Variants in CNTNAP2 observed in about 807,000 individuals in gnomAD.
CNTNAP2 encodes the protein contactin associated protein 2, also known as contactin-associated protein-like 2.
A neutral mutation model predicts 155.2 loss-of-function variants in CNTNAP2; 98 were observed. The ratio of observed to expected loss-of-function variants is 0.63; its 90% CI spans 0.54 to 0.75. The LOEUF (loss-of-function observed/expected upper bound fraction) is 0.75. Among genes scored for constraint, CNTNAP2 ranks in the 30% least tolerant of loss-of-function variants. The pLI is 0.00. For synonymous variants in CNTNAP2, 651 were observed against 631.2 expected, an observed-to-expected ratio of 1.03 and a Z score of -0.47; for missense variants, 1,727 against 1,688.1, an observed-to-expected ratio of 1.02 and a Z score of -0.40.
intron 16 of CNTNAP2, among the ~76,000 whole-genome samples, chr7:148,144,188 G>A (rs907982320): frequency 6.6e-6 from 1 of 152,168 alleles, no homozygotes; most frequent in Admixed American, 6.5e-5. Context: ...AAGGATGTGT[G>A]TATAGCTAAC....
At chr7:146,264,113 C>T (rs1799959493) in intron 1 of CNTNAP2, among the ~76,000 whole-genome samples, 1 of 152,002 alleles carries the variant, frequency 6.6e-6, no homozygotes, top group South Asian at 2.1e-4. Flanking sequence ...TGCTGTCAGT[C>T]AACAAGAGAA....
chr7:148,144,552 C>A (rs1407234880), intron 16 of CNTNAP2, among the ~76,000 whole-genome samples: 1 of 152,162 alleles, frequency 6.6e-6, no homozygotes, highest in African/African-American at 2.4e-5. Context: ...AACTATGGTT[C>A]TGCCAGCATC....
chr7:146,757,409 A>G (rs1274453499), intron 1 of CNTNAP2, among the ~76,000 whole-genome samples: 1 of 152,170 alleles, frequency 6.6e-6, no homozygotes, highest in Non-Finnish European at 1.5e-5. Flanking sequence ...TTCCTTAAAT[A>G]AGTTTAATTT....
At chr7:146,423,495 G>A (rs560426539) in intron 1 of CNTNAP2, among the ~76,000 whole-genome samples, 5 of 152,260 alleles carry the variant, frequency 3.3e-5, no homozygotes, top group Admixed American at 6.6e-5. Context: ...TTAGAGAGAT[G>A]AATGATTGAT....
At chr7:148,001,406 A>T (rs1426711512) in intron 15 of CNTNAP2, among the ~76,000 whole-genome samples, 2 of 152,184 alleles carry the variant, frequency 1.3e-5, no homozygotes, top group African/African-American at 4.8e-5. Flanking sequence ...TCAGCAGCCC[A>T]CCTGGAAGGT....
chr7:146,670,596 T>A (rs1017943081), intron 1 of CNTNAP2, among the ~76,000 whole-genome samples: 2 of 152,194 alleles, frequency 1.3e-5, no homozygotes, highest in East Asian at 3.8e-4. Context: ...GGGAAGTGAA[T>A]AGAAGCAATC....
intron 1 of CNTNAP2, among the ~76,000 whole-genome samples, chr7:146,707,892 T>A (rs6945658): frequency 0.088 from 13,328 of 152,106 alleles, 1,876 homozygotes; most frequent in African/African-American, 0.3. Flanking sequence ...GAGAAGTATG[T>A]AGGGTAGGCA....
At chr7:146,892,687 A>G (rs1795805031) in intron 3 of CNTNAP2, among the ~76,000 whole-genome samples, 1 of 152,178 alleles carries the variant, frequency 6.6e-6, no homozygotes, top group African/African-American at 2.4e-5. Flanking sequence ...GATGCATGAG[A>G]ATCACTTGAA....
intron 13 of CNTNAP2, among the ~76,000 whole-genome samples, chr7:147,852,425 T>C (rs1301639126): frequency 1.3e-5 from 2 of 152,154 alleles, no homozygotes; most frequent in Non-Finnish European, 2.9e-5. Flanking sequence ...CATGATTAGA[T>C]GAGACAAAAC....
intron 12 of CNTNAP2, among the ~76,000 whole-genome samples, chr7:147,588,338 G>A (rs1800672652): frequency 6.6e-6 from 1 of 152,088 alleles, no homozygotes; most frequent in African/African-American, 2.4e-5. Context: ...TGATCAGCTA[G>A]AACCAGATTG....
intron 1 of CNTNAP2, among the ~76,000 whole-genome samples, chr7:146,690,844 T>G (rs1231060951): frequency 6.6e-6 from 1 of 152,168 alleles, no homozygotes; most frequent in South Asian, 2.1e-4. Context: ...AAAGGGAACT[T>G]AATTTGTGAA....
At chr7:147,223,881 CAG>C (rs1161377667) in intron 8 of CNTNAP2, among the ~76,000 whole-genome samples, 1 of 144,526 alleles carries the variant, frequency 6.9e-6, no homozygotes, top group African/African-American at 2.6e-5. Flanking sequence ...GCAAAGCTTG[CAG>C]TGAGCCAAGA....
At chr7:146,443,619 G>T (rs114878905) in intron 1 of CNTNAP2, among the ~76,000 whole-genome samples, 2 of 152,174 alleles carry the variant, frequency 1.3e-5, no homozygotes, top group African/African-American at 4.8e-5. Flanking sequence ...TCGTCATTTT[G>T]TAACAAAGGC....
intron 3 of CNTNAP2, among the ~76,000 whole-genome samples, chr7:147,036,545 A>C (rs1236216154): frequency 1.3e-5 from 2 of 152,178 alleles, no homozygotes. Context: ...CATATATGCT[A>C]TCTTAATTAT....
At chr7:148,342,969 A>G (rs1585291141) in intron 21 of CNTNAP2, among the ~76,000 whole-genome samples, 1 of 152,362 alleles carries the variant, frequency 6.6e-6, no homozygotes, top group South Asian at 2.1e-4. Context: ...AAAGGTGAGA[A>G]GCAGAGAGCC....
At chr7:148,199,524 G>C (rs1020252334) in intron 18 of CNTNAP2, among the ~76,000 whole-genome samples, 7 of 152,282 alleles carry the variant, frequency 4.6e-5, no homozygotes, top group Middle Eastern at 3.4e-3. Context: ...GTCTCCAAAG[G>C]CTGGAAAAAT....
chr7:147,785,734 G>A (rs1797728747), intron 13 of CNTNAP2, among the ~76,000 whole-genome samples: 4 of 152,342 alleles, frequency 2.6e-5, no homozygotes, highest in East Asian at 3.9e-4. Flanking sequence ...GCTCATGCCT[G>A]TAATCCCAGC....
intron 1 of CNTNAP2, among the ~76,000 whole-genome samples, chr7:146,131,018 TG>T (rs1490718815): frequency 1.3e-5 from 2 of 152,190 alleles, no homozygotes; most frequent in Non-Finnish European, 2.9e-5. Flanking sequence ...GAGATTTGGG[TG>T]GGTTCACAGA....
chr7:147,226,443 C>G (rs1452464524), intron 8 of CNTNAP2, among the ~76,000 whole-genome samples: 1 of 151,962 alleles, frequency 6.6e-6, no homozygotes, highest in African/African-American at 2.4e-5. Context: ...AAACGTCATG[C>G]CATGGCTTGG....
Sources: gnomAD v4.1 joint callset for allele counts (sites outside exome capture counted in the v4.1 genomes callset) on GRCh38, gnomAD v4.1.1 for gene constraint, MANE v1.5 for transcripts, NCBI Gene and HGNC (gene_info 2026-07-23, HGNC 2026-07-21) for gene names.